NPAS2: variants seen among roughly 807,000 people sequenced by gnomAD.
NPAS2 encodes neuronal PAS domain-containing protein 2.
NPAS2 carries 23 observed loss-of-function variants against 107.5 expected under a neutral mutation model. The ratio of observed to expected loss-of-function variants is 0.21; its 90% CI spans 0.15 to 0.30. The LOEUF (loss-of-function observed/expected upper bound fraction) is 0.30, where lower values mean the gene tolerates loss of function less well. Among genes scored for constraint, NPAS2 ranks in the 10% least tolerant of loss-of-function variants. NPAS2 has a pLI of 1.00. For missense variants in NPAS2, 756 were observed against 1,043.3 expected (o/e 0.72, Z 3.79); for synonymous variants, 403 against 417.5 (o/e 0.97, Z 0.42).
intron 1 of NPAS2, among the ~76,000 whole-genome samples, chr2:100,879,122 GAAAAA>G (rs1339247169): frequency 9.4e-6 from 1 of 106,640 alleles, no homozygotes; most frequent in Non-Finnish European, 2.1e-5. Context: ...CAAAAAAAAA[GAAAAA>G]AAAAAAAAGC....
At chr2:100,936,222 C>G (rs955196237) in intron 4 of NPAS2, among the ~76,000 whole-genome samples, 1 of 152,246 alleles carries the variant, frequency 6.6e-6, no homozygotes, top group African/African-American at 2.4e-5. Context: ...ATGCACTGCT[C>G]GTGGCCTCTT....
intron 1 of NPAS2, among the ~76,000 whole-genome samples, chr2:100,900,650 G>A (rs1227221400): frequency 6.6e-6 from 1 of 152,110 alleles, no homozygotes; most frequent in Admixed American, 6.5e-5. Context: ...TGACCAGTAG[G>A]TGAAAGTGGT....
chr2:100,901,020 G>A (rs1208862330), intron 1 of NPAS2, among the ~76,000 whole-genome samples: 3 of 152,064 alleles, frequency 2.0e-5, no homozygotes, highest in African/African-American at 7.2e-5. Context: ...GAAGCATGAA[G>A]CATGATGGTG....
chr2:100,967,133 C>CTCCCT (rs1331383118), intron 10 of NPAS2, among the ~76,000 whole-genome samples: 2 of 151,922 alleles, frequency 1.3e-5, no homozygotes, highest in Non-Finnish European at 2.9e-5. Context: ...AATTGAAAGG[C>CTCCCT]TTCTCCATGG....
chr2:100,958,104 G>C (rs1675690278), intron 7 of NPAS2, among the ~76,000 whole-genome samples: 1 of 152,148 alleles, frequency 6.6e-6, no homozygotes, highest in Non-Finnish European at 1.5e-5. Flanking sequence ...TGCTGGTGTG[G>C]TTCCAAATAG....
intron 14 of NPAS2, 31 bp from the exon 15 acceptor site, chr2:100,977,679 A>C (rs2105251227): frequency 6.3e-7 from 1 of 1,581,484 alleles, no homozygotes; most frequent in Non-Finnish European, 8.7e-7. Flanking sequence ...TGGCAGAAGC[A>C]GTGGTAACAA....
At chr2:100,949,696 C>G (rs952603700) in intron 7 of NPAS2, among the ~76,000 whole-genome samples, 1 of 152,210 alleles carries the variant, frequency 6.6e-6, no homozygotes, top group Non-Finnish European at 1.5e-5. Flanking sequence ...CCAGTGCACA[C>G]AGTCCCACTG....
chr2:100,975,313 A>G, intron 13 of NPAS2, 145 bp from the exon 14 acceptor site: 1 of 737,070 alleles, frequency 1.4e-6, no homozygotes. Context: ...TCTGTGGTTC[A>G]GCTCAACCCT....
intron 1 of NPAS2, among the ~76,000 whole-genome samples, chr2:100,829,243 G>T (rs1401034260): frequency 2.0e-5 from 3 of 149,784 alleles, no homozygotes; most frequent in African/African-American, 7.3e-5. Flanking sequence ...GGATTGCAGT[G>T]GCGCAATCTC....
Position 100,848,130 on chromosome 2 carries a change from G to T in NPAS2, c.-23+27716G>T, listed in dbSNP as rs148293433. Among the ~76,000 whole-genome samples, 229 of 152,300 alleles carry T rather than the reference G, an allele frequency of 1.5e-3. 1 individual carries two copies. The highest frequency in any genetic ancestry group is 5.3e-3 in the African/African-American group (222 of 41,562). Reference sequence around the variant, plus strand: ...GAGGCCCAGGGAAGGAGCTTGCATTGGGTGGGCCATTGTGATGCTGTGGCT... The same window carrying T: ...GAGGCCCAGGGAAGGAGCTTGCATTTGGTGGGCCATTGTGATGCTGTGGCT... On this transcript the variant is annotated intron_variant, in intron 1 of 20. Transcript: ENST00000335681.
At chr2:100,974,237 G>A (rs181166284) in intron 12 of NPAS2, among the ~76,000 whole-genome samples, 10 of 152,296 alleles carry the variant, frequency 6.6e-5, no homozygotes, top group South Asian at 2.1e-4. Context: ...CTGCTTTCTC[G>A]TCACACTGTA....
chr2:100,902,884 A>G (rs1180598239), intron 1 of NPAS2, among the ~76,000 whole-genome samples: 1 of 152,216 alleles, frequency 6.6e-6, no homozygotes, highest in Non-Finnish European at 1.5e-5. Context: ...AGTCGGGTCA[A>G]GTGAGAGGAA....
At chr2:100,887,556 G>A (rs530138706) in intron 1 of NPAS2, among the ~76,000 whole-genome samples, 11 of 152,354 alleles carry the variant, frequency 7.2e-5, no homozygotes, top group Middle Eastern at 3.4e-3. Context: ...TAATGCACCC[G>A]TGCAGGCCCA....
intron 1 of NPAS2, among the ~76,000 whole-genome samples, chr2:100,829,676 A>G (rs1465839140): frequency 1.3e-5 from 2 of 152,112 alleles, no homozygotes; most frequent in Admixed American, 1.3e-4. Flanking sequence ...TACTCTGACT[A>G]GCACTTCCAG....
At chr2:100,921,439 C>T (rs1683219152) in intron 2 of NPAS2, among the ~76,000 whole-genome samples, 1 of 152,148 alleles carries the variant, frequency 6.6e-6, no homozygotes. Flanking sequence ...ATGGACGCTT[C>T]AGAACCAGAT....
At position 100,839,497 on chromosome 2, in the gene NPAS2, T is replaced by C. The variant is rs184378055; in HGVS notation, c.-23+19083T>C. Among the ~76,000 whole-genome samples, 463 of 152,332 alleles carry C rather than the reference T, an allele frequency of 3.0e-3. 8 individuals are homozygous for C. The South Asian group carries it at 0.031, about 10-fold the overall frequency. On this transcript the variant is annotated intron_variant, in intron 1 of 20. Transcript: ENST00000335681. ...GAGTAGATAGATCTCCTCTTTCTTA[T>C]GATTTTCTTAATAACATTTTTTCTC...
intron 1 of NPAS2, among the ~76,000 whole-genome samples, chr2:100,832,056 C>T (rs889840843): frequency 6.6e-6 from 1 of 152,166 alleles, no homozygotes; most frequent in African/African-American, 2.4e-5. Flanking sequence ...GGCATCATTG[C>T]TCTTGTCCTG....
Position 100,988,293 on chromosome 2 carries a change from C to A in NPAS2, c.1827+17C>A. On this transcript the variant is annotated intron_variant, in intron 17 of 20. Coordinates refer to ENST00000335681, the MANE Select transcript of NPAS2 (RefSeq NM_002518.4). ...TCAACCCAGGTAAATGTGCTCCTTG[C>A]CAGCTTCACTCCTTGCCTCTAGAGC... 1 of 1,604,252 alleles carries A rather than the reference C, an allele frequency of 6.2e-7. No individual in the cohort carries two copies. The highest frequency in any genetic ancestry group is 1.1e-5 in the South Asian group (1 of 90,794).
Position 100,900,002 on chromosome 2 carries a change from T to G in NPAS2, c.-22-4731T>G, listed in dbSNP as rs575726088. Among the ~76,000 whole-genome samples the G allele has an allele frequency of 2.6e-5, 4 of 152,304 alleles. No homozygotes were observed. The South Asian group carries it at 8.3e-4, about 32-fold the overall frequency. On this transcript the variant is annotated intron_variant, in intron 1 of 20. Transcript: ENST00000335681. ...AATGTGAAAGCTAAGTGATGAAGCT[T>G]CTAGAGGAAAACATAGGATAATTCT... is the stretch of plus-strand genomic sequence containing the variant.
Sources: allele counts gnomAD v4.1 joint callset (sites outside exome capture counted in the v4.1 genomes callset), GRCh38; gene constraint gnomAD v4.1.1; transcripts MANE v1.5; gene names NCBI Gene and HGNC (gene_info 2026-07-23, HGNC 2026-07-21).